Variants in KRT39 observed in about 807,000 individuals in gnomAD.
KRT39 encodes keratin, type I cytoskeletal 39.
In KRT39, 47 loss-of-function variants were observed where a neutral mutation model predicts 54.8. The observed-to-expected ratio is 0.86, with a 90% confidence interval of 0.68 to 1.09. KRT39 has a LOEUF of 1.09. Ranked by LOEUF, KRT39 falls within the 50% of genes least tolerant of loss-of-function variation. The pLI, the probability that KRT39 is intolerant of heterozygous loss-of-function variation, is 0.00. For synonymous variants in KRT39, 207 were observed against 227.9 expected (o/e 0.91, Z 0.83); for missense variants, 580 against 598.5 (o/e 0.97, Z 0.32).
chr17:40,963,827 G>A (rs768941075), intron 2 of KRT39, 44 bp from the exon 3 acceptor site: 40 of 1,500,332 alleles, frequency 2.7e-5, no homozygotes, highest in African/African-American at 4.1e-5. Context: ...GAAAGGAGAT[G>A]ATGCAAACCA....
In KRT39 at chr17:40,962,530, T is replaced by C; in HGVS notation, c.742A>G (p.Arg248Gly). ...GCAGCAGTCACTTCAATGTCAAGTCTCTCCCCAAGCTGACACTGTAAAGAA... is the reference window on the plus strand; with the variant it reads ...GCAGCAGTCACTTCAATGTCAAGTCCCTCCCCAAGCTGACACTGTAAAGAA... ...INSLQCQLGE[R>G]LDIEVTAAPS... The change falls in exon 4 of 7, where the codon AGA becomes GGA. Residue 248 changes from arginine (R) to glycine (G), a missense_variant. Transcript: ENST00000355612. The C allele has an allele frequency of 6.2e-7, 1 of 1,613,962 alleles. No homozygotes were observed. The highest frequency in any genetic ancestry group is 8.5e-7 in the Non-Finnish European group (1 of 1,179,992).
chr17:40,960,279 A>G lies in KRT39; in HGVS notation c.1217+2T>C, dbSNP rs1456059958. Reference sequence around the variant, plus strand: ...CATAGAAGTTGCTGTTATTTTACATACTTGCCATCCGAGCTCTCCAGAAGG... The same window carrying G: ...CATAGAAGTTGCTGTTATTTTACATGCTTGCCATCCGAGCTCTCCAGAAGG... On this transcript the variant is annotated splice_donor_variant, in intron 6 of 6. Coordinates refer to ENST00000355612, the MANE Select transcript of KRT39 (RefSeq NM_213656.4). LOFTEE classifies it high-confidence loss of function. 1.2e-6 allele frequency: 2 copies of G among 1,610,348 alleles called. No individual in the cohort carries two copies. The highest frequency in any genetic ancestry group is 2.2e-5 in the East Asian group (1 of 44,886).
chr17:40,960,251 T>G (rs1198500157), intron 6 of KRT39, 30 bp downstream of exon 6: 1 of 1,587,284 alleles, frequency 6.3e-7, no homozygotes, highest in African/African-American at 1.3e-5. Context: ...TACACTTTTT[T>G]GTCATAGAAG....
chr17:40,963,756 C>T lies in KRT39; in HGVS notation c.579G>A (p.Gln193=), dbSNP rs749575947. Residue 193 remains glutamine, a synonymous_variant, in exon 3 of 7, where the codon CAG becomes CAA. Coordinates refer to ENST00000355612, the MANE Select transcript of KRT39 (RefSeq NM_213656.4). ...GGCCATTGGCATCTGACTCTACCAG[C>T]TGGCGTAGAGACACCTCAGCTTCGT... The part of the protein sequence containing the change: ...AKYEAEVSLR[Q]LVESDANGLK... The T allele has an allele frequency of 1.1e-5, 18 of 1,601,526 alleles. No individual in the cohort carries two copies. The highest frequency in any genetic ancestry group is 1.5e-5 in the Non-Finnish European group (18 of 1,170,322).
At chr17:40,966,327 A>G in intron 1 of KRT39, 62 bp downstream of exon 1, 1 of 1,314,462 alleles carries the variant, frequency 7.6e-7, no homozygotes, top group Middle Eastern at 1.9e-4. Flanking sequence ...AGTTTAGCAA[A>G]TAACTGTTGC....
At chr17:40,959,840 A>G (rs943565827) in intron 6 of KRT39, among the ~76,000 whole-genome samples, 1 of 152,198 alleles carries the variant, frequency 6.6e-6, no homozygotes, top group Non-Finnish European at 1.5e-5. Context: ...TAGTGGCTAG[A>G]TAGGGTTAGG....
rs374833961 is a variant in KRT39 at position 40,958,877 on chromosome 17, A to T, written c.1218-18T>A. ...AGGGACGCCTAAGGAAAAAAAACAC[A>T]ATTTTAGCTGTGATTGAGGGAAGGC... On this transcript the variant is annotated intron_variant, in intron 6 of 6. Transcript: ENST00000355612. 105 of 1,560,170 alleles carry T rather than the reference A, an allele frequency of 6.7e-5. No homozygotes were observed. The African/African-American group carries it at 7.0e-4, about 10-fold the overall frequency.
chr17:40,966,067 A>ATGTGTG (rs71300040), intron 1 of KRT39, among the ~76,000 whole-genome samples: 61 of 147,416 alleles, frequency 4.1e-4, no homozygotes, highest in African/African-American at 5.7e-4. Context: ...TTGTGTGTGT[A>ATGTGTG]TGTGTGTGTG....
chr17:40,962,156 C>G lies in KRT39; in HGVS notation c.996+6G>C. On this transcript the variant is annotated splice_donor_region_variant and intron_variant, in intron 5 of 6. Transcript: ENST00000355612. ...CTGAGCTAGGCTTGGTCAGCTTGCT[C>G]AGTACCATTCGATGCTGGGCCTGCA... 1 of 1,613,990 alleles carries G rather than the reference C, an allele frequency of 6.2e-7. No homozygotes were observed. Among genetic ancestry groups the G allele is most frequent in the Non-Finnish European group, 8.5e-7 (1 of 1,179,914 alleles).
At chr17:40,963,164 G>A (rs1364625232) in intron 3 of KRT39, among the ~76,000 whole-genome samples, 1 of 152,136 alleles carries the variant, frequency 6.6e-6, no homozygotes, top group Non-Finnish European at 1.5e-5. Flanking sequence ...AGAGTAGTAC[G>A]TAGCAGTGGT....
In KRT39 at chr17:40,960,335, C is replaced by T. The variant is rs201053719; in HGVS notation, c.1163G>A (p.Arg388Gln). ...GTATGTGGTAATCTCACATTCCAGC[C>T]GGGACTTGACGTCCAGCAGGATCTC... ...EYEILLDVKS[R>Q]LECEITTYRS... The change falls in exon 6 of 7, where the codon CGG becomes CAG. Residue 388 changes from arginine (R) to glutamine (Q), a missense_variant. By Grantham distance (43) the Arg-to-Gln change is conservative. Coordinates refer to ENST00000355612, the MANE Select transcript of KRT39 (RefSeq NM_213656.4). 208 of 1,613,886 alleles carry T rather than the reference C, an allele frequency of 1.3e-4. No homozygotes were observed. The highest frequency in any genetic ancestry group is 8.3e-4 in the Middle Eastern group (5 of 6,008).
chr17:40,963,589 G>A (rs1911239613), intron 3 of KRT39, 38 bp downstream of exon 3: 1 of 1,556,038 alleles, frequency 6.4e-7, no homozygotes, highest in Admixed American at 1.7e-5. Context: ...TACTTTTAGG[G>A]ACTTAGCTTG....
Position 40,958,865 on chromosome 17 carries a change from G to GA in KRT39, c.1218-7dup, listed in dbSNP as rs202214066. The GA allele has an allele frequency of 8.7e-4, 1,353 of 1,560,148 alleles. 11 individuals carry two copies. The African/African-American group carries it at 0.016, about 19-fold the overall frequency. On this transcript the variant is annotated splice_polypyrimidine_tract_variant and splice_region_variant and intron_variant, in intron 6 of 6. Transcript: ENST00000355612. ...CACGTGGGTAACAGGGACGCCTAAG[G>GA]AAAAAAAACACAATTTTAGCTGTGA...
At chr17:40,966,052 T>G (rs1911377778) in intron 1 of KRT39, among the ~76,000 whole-genome samples, 1 of 140,270 alleles carries the variant, frequency 7.1e-6, no homozygotes, top group Admixed American at 7.3e-5. Context: ...CCATCTAATT[T>G]TTTTTTGTGT....
In KRT39 at chr17:40,963,378, G is replaced by T. The variant is rs753583204; in HGVS notation, c.708+249C>A. On this transcript the variant is annotated intron_variant, in intron 3 of 6. Transcript: ENST00000355612. ...CTTTGGTCTCTCTCTGTCTCCTGCT[G>T]CCAAGTGAGATGTGCCTGCTTCCCC... Among the ~76,000 whole-genome samples the T allele has an allele frequency of 3.0e-4, 46 of 152,166 alleles. 1 individual carries two copies. Among genetic ancestry groups the T allele is most frequent in the Admixed American group, 9.8e-4 (15 of 15,280 alleles).
At chr17:40,960,870 G>A (rs2143612787) in intron 5 of KRT39, among the ~76,000 whole-genome samples, 1 of 152,270 alleles carries the variant, frequency 6.6e-6, no homozygotes, top group Non-Finnish European at 1.5e-5. Context: ...AGTGGCTCAC[G>A]CCTATAATCC....
At chr17:40,965,419 C>T (rs1225472762) in intron 1 of KRT39, among the ~76,000 whole-genome samples, 1 of 151,924 alleles carries the variant, frequency 6.6e-6, no homozygotes. Context: ...TAAAATCCAT[C>T]CTAAATTTAT....
rs1161774442 is a variant in KRT39 at position 40,962,418 on chromosome 17, T to G, written c.854A>C (p.Gln285Pro). 6.2e-7 allele frequency: 1 copy of G among 1,614,194 alleles called. No individual in the cohort carries two copies. Among genetic ancestry groups the G allele is most frequent in the Admixed American group, 1.7e-5 (1 of 60,026 alleles). Residue 285 changes from glutamine to proline, a missense_variant, in exon 4 of 7, where the codon CAG (glutamine) becomes CCG (proline). Transcript: ENST00000355612. The part of the protein sequence containing the change: ...IMETNRKDVE[Q>P]WFNTQIEELN... ...ATCCCCCACCTGCGTGTTGAACCACTGTTCCACATCTTTGCGGTTTGTCTC... is the reference window on the plus strand; with the variant it reads ...ATCCCCCACCTGCGTGTTGAACCACGGTTCCACATCTTTGCGGTTTGTCTC...
Position 40,964,543 on chromosome 17 carries a change from T to C in KRT39, c.469-15A>G, listed in dbSNP as rs368159814. The stretch of plus-strand genomic sequence containing the variant: ...GTACACAAGATCTAGAATTAAGAGA[T>C]TGTACACACAAATGAAGCAAACACC... On this transcript the variant is annotated splice_polypyrimidine_tract_variant and intron_variant, in intron 1 of 6. Transcript: ENST00000355612. 2.1e-4 allele frequency: 327 copies of C among 1,566,914 alleles called. No individual in the cohort carries two copies. Among genetic ancestry groups the C allele is most frequent in the African/African-American group, 9.8e-4 (73 of 74,128 alleles).
Sources: allele counts gnomAD v4.1 joint callset (sites outside exome capture counted in the v4.1 genomes callset), GRCh38; gene constraint gnomAD v4.1.1; transcripts MANE v1.5; gene names NCBI Gene and HGNC (gene_info 2026-07-23, HGNC 2026-07-21).